The following MYH13 variants were observed in gnomAD, a reference collection of about 807,000 sequenced individuals.
The protein encoded by MYH13 is myosin heavy chain 13, also known as myosin-13.
In MYH13, 177 loss-of-function variants were observed where a neutral mutation model predicts 232.1. The observed-to-expected ratio is 0.76, with a 90% CI of 0.67 to 0.86. The LOEUF is 0.86. MYH13 is among the 40% of genes least tolerant of loss of function. The pLI, the probability that MYH13 is intolerant of heterozygous loss-of-function variation, is 0.00. For missense variants in MYH13, 2,246 were observed against 2,405.9 expected (o/e 0.93, Z 1.39); for synonymous variants, 884 against 923.5 (o/e 0.96, Z 0.78).
Position 10,300,923 on chromosome 17 carries a change from T to C in MYH13, c.*28A>G. On this transcript the variant is annotated 3_prime_UTR_variant, in exon 41 of 41. Coordinates refer to ENST00000252172, the MANE Select transcript of MYH13 (RefSeq NM_003802.3). ...TTTTCCCTCCACTCTCTCGGAGGTG[T>C]CCCATGGCAACGAGCATCAGGTGAG... The C allele has an allele frequency of 1.9e-6, 3 of 1,610,998 alleles. No homozygotes were observed. The highest frequency in any genetic ancestry group is 2.5e-6 in the Non-Finnish European group (3 of 1,178,096).
intron 23 of MYH13, among the ~76,000 whole-genome samples, chr17:10,323,021 T>C (rs1907031055): frequency 1.3e-5 from 2 of 152,182 alleles, no homozygotes; most frequent in African/African-American, 4.8e-5. Context: ...AATGGCTACG[T>C]AGTGCTCCCT....
chr17:10,319,223 G>A (rs1459383036), intron 26 of MYH13, 44 bp from the exon 27 acceptor site: 1 of 1,574,542 alleles, frequency 6.4e-7, no homozygotes. Flanking sequence ...GGAGGAGGGG[G>A]CAGCCCCCTT....
intron 5 of MYH13, among the ~76,000 whole-genome samples, chr17:10,361,253 T>G (rs1463653380): frequency 6.6e-6 from 1 of 152,124 alleles, no homozygotes; most frequent in Non-Finnish European, 1.5e-5. Context: ...ATTAGATGAT[T>G]TTTAAGCATC....
At position 10,353,286 on chromosome 17, in the gene MYH13, A is replaced by T. The variant is rs572942962; in HGVS notation, c.1005+1394T>A. On this transcript the variant is annotated intron_variant, in intron 11 of 40. Transcript: ENST00000252172. ...ACTCTGCTAAATTTAATTTGTCTCA[A>T]ATTTTTCTTTTAACACTATTAGACC... Among the ~76,000 whole-genome samples, 6 of 152,294 alleles carry T rather than the reference A, an allele frequency of 3.9e-5. No homozygotes were observed. The South Asian group carries it at 1.2e-3, about 32-fold the overall frequency.
At chr17:10,301,178 T>C (rs1436856228) in intron 40 of MYH13, among the ~76,000 whole-genome samples, 1 of 152,180 alleles carries the variant, frequency 6.6e-6, no homozygotes, top group Non-Finnish European at 1.5e-5. Flanking sequence ...GGGCAGCATC[T>C]GTAGCAACAG....
chr17:10,306,514 G>T lies in MYH13; in HGVS notation c.5411C>A (p.Ala1804Asp). The change falls in exon 37 of 41, where the codon GCT (alanine) becomes GAT (aspartate). Residue 1804 changes from alanine (A) to aspartate (D), a missense_variant. Transcript: ENST00000252172. The surrounding 1 kb of genome is among the most constrained non-coding windows in gnomAD (Gnocchi z 4.3). ...VKDLQHRLDEAEQLALKGGKK... is the reference protein window; with the variant it reads ...VKDLQHRLDEDEQLALKGGKK... ...CCCGCCCTTCAGCGCCAGTTGTTCA[G>T]CCTCATCTAGACGGTGCTGCAGGTC... 1 of 1,614,080 alleles carries T rather than the reference G, an allele frequency of 6.2e-7. No individual in the cohort carries two copies. Among genetic ancestry groups the T allele is most frequent in the Non-Finnish European group, 8.5e-7 (1 of 1,180,000 alleles).
intron 7 of MYH13, among the ~76,000 whole-genome samples, chr17:10,359,077 G>A (rs2071771119): frequency 6.6e-6 from 1 of 152,192 alleles, no homozygotes; most frequent in African/African-American, 2.4e-5. Flanking sequence ...CCAGTTTCCT[G>A]GTACGCAGCT....
In MYH13 at chr17:10,362,590, A is replaced by G; in HGVS notation, c.205-87T>C. Reference sequence around the variant, plus strand: ...ACTGGTGTGGTGGAAGTAGTGAGATATTGTGGAGGAATTACCGCATTGTGA... The same window carrying G: ...ACTGGTGTGGTGGAAGTAGTGAGATGTTGTGGAGGAATTACCGCATTGTGA... On this transcript the variant is annotated intron_variant, in intron 3 of 40. Coordinates refer to ENST00000252172, the MANE Select transcript of MYH13 (RefSeq NM_003802.3). 3.9e-6 allele frequency: 6 copies of G among 1,538,804 alleles called. No individual in the cohort carries two copies. In the Middle Eastern group the frequency reaches 5.1e-4, roughly 132 times the overall value.
At chr17:10,353,594 G>A (rs2071726258) in intron 11 of MYH13, among the ~76,000 whole-genome samples, 1 of 152,204 alleles carries the variant, frequency 6.6e-6, no homozygotes, top group Non-Finnish European at 1.5e-5. Context: ...GCCTGGTGCA[G>A]TGGCTCATGC....
At chr17:10,345,119 A>G (rs570092592) in intron 15 of MYH13, 83 bp downstream of exon 15, 50 of 1,609,568 alleles carry the variant, frequency 3.1e-5, no homozygotes, top group African/African-American at 1.3e-4. Context: ...AGGGGCCCCA[A>G]TCTGTGAGCA....
chr17:10,312,875 A>C, intron 30 of MYH13, 118 bp from the exon 31 acceptor site: 1 of 1,232,164 alleles, frequency 8.1e-7, no homozygotes, highest in Non-Finnish European at 1.1e-6. Flanking sequence ...TGAGACCAAG[A>C]CCTAGGATTT....
At chr17:10,302,240 T>TG (rs1204783334) in intron 39 of MYH13, among the ~76,000 whole-genome samples, 3 of 152,088 alleles carry the variant, frequency 2.0e-5, no homozygotes, top group African/African-American at 7.2e-5. Flanking sequence ...TCAAATCTGC[T>TG]TCCCTGAGGT....
chr17:10,363,493 C>T (rs1213535312), intron 3 of MYH13, among the ~76,000 whole-genome samples: 1 of 152,154 alleles, frequency 6.6e-6, no homozygotes, highest in African/African-American at 2.4e-5. Flanking sequence ...AGGCCTTCCA[C>T]TCCACCACCC....
intron 37 of MYH13, among the ~76,000 whole-genome samples, chr17:10,305,893 G>A (rs914115496): frequency 1.3e-5 from 2 of 152,124 alleles, no homozygotes; most frequent in African/African-American, 2.4e-5. Context: ...AGCCCCGATC[G>A]CCCTCTTTTG....
At position 10,306,593 on chromosome 17, in the gene MYH13, C is replaced by T; in HGVS notation, c.5332G>A (p.Asp1778Asn). ...ATCCGCTCCAGGTGGGCGCTGGTGT[C>T]CTGTTCCTTCTTTAGCTCCTCAGCC... Reference protein sequence around the residue: ...MMAEELKKEQDTSAHLERMKK... With the variant: ...MMAEELKKEQNTSAHLERMKK... The change falls in exon 37 of 41, where the codon GAC (aspartate) becomes AAC (asparagine). Residue 1778 changes from aspartate (D) to asparagine (N), a missense_variant. Coordinates refer to ENST00000252172, the MANE Select transcript of MYH13 (RefSeq NM_003802.3). This position sits in a 1 kb window ranked among gnomAD's most constrained non-coding sequence, Gnocchi z 4.3. The T allele has an allele frequency of 6.2e-7, 1 of 1,614,106 alleles. No individual in the cohort carries two copies.
chr17:10,362,397 T>C lies in MYH13; in HGVS notation c.311A>G (p.Tyr104Cys), dbSNP rs145355767. The C allele has an allele frequency of 1.3e-3, 2,073 of 1,614,174 alleles. 34 individuals carry two copies. The East Asian group carries it at 0.025, about 20-fold the overall frequency. ...GGCTGCATAGCGCTCTTTGAGGTTG[T>C]ACAGAACAGCAGGTTCATGCAGGTG... is the stretch of plus-strand genomic sequence containing the variant. The part of the protein sequence containing the change: ...MTHLHEPAVL[Y>C]NLKERYAAWM... The change falls in exon 4 of 41, where the codon TAC becomes TGC. Residue 104 changes from tyrosine to cysteine, a missense_variant. By Grantham distance (194) the Tyr-to-Cys change is radical. Transcript: ENST00000252172.
At chr17:10,370,809 C>T (rs1350105634) in intron 2 of MYH13, among the ~76,000 whole-genome samples, 1 of 152,194 alleles carries the variant, frequency 6.6e-6, no homozygotes, top group Non-Finnish European at 1.5e-5. Flanking sequence ...CTCCCCATTC[C>T]TTCAGTATTA....
intron 3 of MYH13, 48 bp downstream of exon 3, chr17:10,364,279 A>G (rs2071815566): frequency 1.3e-6 from 2 of 1,554,278 alleles, no homozygotes; most frequent in Non-Finnish European, 1.8e-6. Flanking sequence ...ACTCCAAAGA[A>G]AAATGAGCAT....
chr17:10,334,470 G>A (rs1322910769), intron 18 of MYH13, among the ~76,000 whole-genome samples: 1 of 152,064 alleles, frequency 6.6e-6, no homozygotes, highest in African/African-American at 2.4e-5. Context: ...TCATGTAACG[G>A]TGGCCACCCT....
Sources: allele counts gnomAD v4.1 joint callset (sites outside exome capture counted in the v4.1 genomes callset), GRCh38; gene constraint gnomAD v4.1.1; non-coding constraint Gnocchi (gnomAD v3.1); transcripts MANE v1.5; gene names NCBI Gene and HGNC (gene_info 2026-07-23, HGNC 2026-07-21).